Variants in ADARB2 observed in about 807,000 individuals in gnomAD.
ADARB2 encodes the protein adenosine deaminase RNA specific B2 (inactive), also known as inactive double-stranded RNA-specific editase B2.
ADARB2 carries 25 observed loss-of-function variants against 62.2 expected under a neutral mutation model. The observed-to-expected ratio is 0.40, with a 90% CI of 0.29 to 0.56. The LOEUF (loss-of-function observed/expected upper bound fraction) is 0.56. Ranked by LOEUF, ADARB2 falls within the 20% of genes least tolerant of loss-of-function variation. ADARB2 has a pLI of 0.43. For missense variants in ADARB2, 1,071 were observed against 1,077.4 expected (o/e 0.99, Z 0.08); for synonymous variants, 572 against 500.8 (o/e 1.14, Z -1.90).
chr10:1,634,710 A>T (rs1332073454), intron 1 of ADARB2, among the ~76,000 whole-genome samples: 2 of 152,158 alleles, frequency 1.3e-5, no homozygotes, highest in Non-Finnish European at 2.9e-5. Flanking sequence ...CAGTTGATAC[A>T]CTCTGAAGAG....
intron 1 of ADARB2, among the ~76,000 whole-genome samples, chr10:1,566,683 G>T (rs1588305243): frequency 6.6e-6 from 1 of 152,302 alleles, no homozygotes; most frequent in Non-Finnish European, 1.5e-5. Flanking sequence ...TAGATGTGGT[G>T]ATTGCATTCT....
intron 1 of ADARB2, among the ~76,000 whole-genome samples, chr10:1,733,551 G>T (rs575241103): frequency 2.8e-4 from 43 of 152,008 alleles, no homozygotes; most frequent in Non-Finnish European, 5.9e-4. Context: ...AGAATTATTG[G>T]CATATTTTAA....
At chr10:1,673,066 G>A (rs889851828) in intron 1 of ADARB2, among the ~76,000 whole-genome samples, 1 of 152,110 alleles carries the variant, frequency 6.6e-6, no homozygotes, top group Non-Finnish European at 1.5e-5. Flanking sequence ...GTTGTCGGCT[G>A]GACCAAATGG....
intron 1 of ADARB2, among the ~76,000 whole-genome samples, chr10:1,581,464 G>T (rs1487540789): frequency 2.0e-5 from 3 of 152,228 alleles, no homozygotes; most frequent in Non-Finnish European, 4.4e-5. Flanking sequence ...CCTGGGCCCT[G>T]GAGCCACCTC....
chr10:1,464,475 A>G (rs868449257), intron 1 of ADARB2, among the ~76,000 whole-genome samples: 1 of 91,614 alleles, frequency 1.1e-5, no homozygotes, highest in Non-Finnish European at 2.3e-5. Context: ...ACACTCCCCC[A>G]CACACGTGCT....
intron 1 of ADARB2, among the ~76,000 whole-genome samples, chr10:1,413,500 A>T (rs112696988): frequency 2.6e-5 from 4 of 152,164 alleles, no homozygotes; most frequent in Admixed American, 6.5e-5. Context: ...GAATACCATA[A>T]ATTACAGCTG....
chr10:1,552,925 G>A (rs201156024), intron 1 of ADARB2, among the ~76,000 whole-genome samples: 2 of 23,628 alleles, frequency 8.5e-5, no homozygotes, highest in Admixed American at 7.2e-4. Flanking sequence ...TAATTAATTC[G>A]TTTAGTCACT....
chr10:1,310,344 C>T (rs192252192), intron 3 of ADARB2, among the ~76,000 whole-genome samples: 35 of 151,134 alleles, frequency 2.3e-4, no homozygotes, highest in African/African-American at 4.9e-5. Context: ...TGCTAACCTA[C>T]GAAGATGTTG....
intron 1 of ADARB2, among the ~76,000 whole-genome samples, chr10:1,721,666 T>G (rs1033134040): frequency 1.3e-5 from 2 of 152,232 alleles, no homozygotes; most frequent in Non-Finnish European, 2.9e-5. Context: ...TTAAGCCAAA[T>G]GTACAGAGGG....
intron 1 of ADARB2, among the ~76,000 whole-genome samples, chr10:1,390,822 AAGAG>A (rs1482703591): frequency 6.6e-6 from 1 of 152,242 alleles, no homozygotes; most frequent in African/African-American, 2.4e-5. Flanking sequence ...AGGGGCAAAC[AAGAG>A]CTCCAGAAAG....
rs1400446781 is a variant in ADARB2, at chr10:1,233,785, C to T, written c.1422G>A (p.Arg474=). 5 of 1,613,860 alleles carry T rather than the reference C, an allele frequency of 3.1e-6. No homozygotes were observed. Among genetic ancestry groups the T allele is most frequent in the Non-Finnish European group, 4.2e-6 (5 of 1,179,998 alleles). The change falls in exon 6 of 10, where the codon CGG becomes CGA. Residue 474 remains arginine, a synonymous_variant. Coordinates refer to ENST00000381312, the MANE Select transcript of ADARB2 (RefSeq NM_018702.4). ...IFVRLKEGGY[R]LRENILFHLY... ...GATGGAAGAGGATGTTCTCTCGCAGCCGGTAGCCACCTTCTTTTAACCGCA... is the reference window on the plus strand; with the variant it reads ...GATGGAAGAGGATGTTCTCTCGCAGTCGGTAGCCACCTTCTTTTAACCGCA...
At chr10:1,444,185 T>A (rs1228190573) in intron 1 of ADARB2, among the ~76,000 whole-genome samples, 2 of 149,620 alleles carry the variant, frequency 1.3e-5, no homozygotes, top group African/African-American at 4.9e-5. Flanking sequence ...TACTCATTCA[T>A]CCATCCATCC....
At chr10:1,542,833 T>C (rs1481126449) in intron 1 of ADARB2, among the ~76,000 whole-genome samples, 1 of 126,842 alleles carries the variant, frequency 7.9e-6, no homozygotes, top group Non-Finnish European at 1.7e-5. Flanking sequence ...GTTCAGACCC[T>C]GGATCACAGC....
At chr10:1,458,477 A>G (rs376155721) in intron 1 of ADARB2, among the ~76,000 whole-genome samples, 68 of 152,318 alleles carry the variant, frequency 4.5e-4, no homozygotes, top group African/African-American at 1.6e-3. Context: ...AAAACAATGA[A>G]AAAAAGAAAG....
intron 1 of ADARB2, among the ~76,000 whole-genome samples, chr10:1,409,143 G>A (rs1832732634): frequency 6.6e-6 from 1 of 151,806 alleles, no homozygotes; most frequent in African/African-American, 2.4e-5. Flanking sequence ...CTTGGCCCAC[G>A]GAGCCCCCGC....
At chr10:1,560,051 A>G (rs1832766688) in intron 1 of ADARB2, among the ~76,000 whole-genome samples, 1 of 152,218 alleles carries the variant, frequency 6.6e-6, no homozygotes, top group African/African-American at 2.4e-5. Context: ...AAAGGTTAAG[A>G]TGTGAGATTT....
intron 1 of ADARB2, among the ~76,000 whole-genome samples, chr10:1,497,913 G>A (rs191842305): frequency 6.6e-6 from 1 of 152,256 alleles, no homozygotes; most frequent in East Asian, 1.9e-4. Flanking sequence ...AAGAGAATGT[G>A]TCTGGGTGGG....
At position 1,521,400 on chromosome 10, in the gene ADARB2, T is replaced by C. The variant is rs572130221; in HGVS notation, c.101-142240A>G. Reference sequence around the variant, plus strand: ...CAGTCTTTTATATACATATTCCCTATGTAAACCAAAAATAACATTCTAAGG... The same window carrying C: ...CAGTCTTTTATATACATATTCCCTACGTAAACCAAAAATAACATTCTAAGG... On this transcript the variant is annotated intron_variant, in intron 1 of 9. Coordinates refer to ENST00000381312, the MANE Select transcript of ADARB2 (RefSeq NM_018702.4). Among the ~76,000 whole-genome samples, 6 of 152,344 alleles carry C rather than the reference T, an allele frequency of 3.9e-5. No homozygotes were observed. In the East Asian group the frequency reaches 9.6e-4, roughly 24 times the overall value.
chr10:1,341,063 G>A (rs375920934), intron 3 of ADARB2, among the ~76,000 whole-genome samples: 16 of 150,654 alleles, frequency 1.1e-4, no homozygotes, highest in African/African-American at 3.2e-4. Flanking sequence ...GCCCCACAGC[G>A]GCGATAACTG....
Sources: allele counts gnomAD v4.1 joint callset (sites outside exome capture counted in the v4.1 genomes callset), GRCh38; gene constraint gnomAD v4.1.1; transcripts MANE v1.5; gene names NCBI Gene and HGNC (gene_info 2026-07-23, HGNC 2026-07-21).